The following FAM135B variants were observed in gnomAD, a reference collection of about 807,000 sequenced individuals.
FAM135B encodes the protein protein FAM135B.
Under a neutral mutation model 127.7 loss-of-function variants are expected in FAM135B, and 43 were observed. That is an observed-to-expected ratio of 0.34 (90% confidence interval 0.26 to 0.43). FAM135B has a LOEUF of 0.43. Among genes scored for constraint, FAM135B ranks in the 20% least tolerant of loss-of-function variants. The pLI, the probability that FAM135B is intolerant of heterozygous loss-of-function variation, is 1.00. For synonymous variants in FAM135B, 670 were observed against 665.1 expected (o/e 1.01, Z -0.11); for missense variants, 1,558 against 1,725.6 (o/e 0.90, Z 1.72).
intron 13 of FAM135B, among the ~76,000 whole-genome samples, chr8:138,149,869 G>A (rs552709863): frequency 7.2e-5 from 11 of 152,048 alleles, no homozygotes; most frequent in East Asian, 1.9e-4. Flanking sequence ...CTGTCTCTCC[G>A]TTAGACTGCA....
chr8:138,310,382 T>G (rs997735235), intron 3 of FAM135B, among the ~76,000 whole-genome samples: 1 of 152,164 alleles, frequency 6.6e-6, no homozygotes, highest in African/African-American at 2.4e-5. Flanking sequence ...AGGATCTGAG[T>G]TGTCCTTGGC....
At chr8:138,403,749 C>T (rs1020094339) in intron 1 of FAM135B, among the ~76,000 whole-genome samples, 4 of 151,986 alleles carry the variant, frequency 2.6e-5, no homozygotes, top group Non-Finnish European at 5.9e-5. Context: ...ATTCCCCTCC[C>T]CCAAAGACCT....
At chr8:138,494,671 A>G (rs1815319364) in intron 1 of FAM135B, among the ~76,000 whole-genome samples, 1 of 152,130 alleles carries the variant, frequency 6.6e-6, no homozygotes, top group Non-Finnish European at 1.5e-5. Context: ...AATAAAATCA[A>G]CCTGTCAGCA....
At chr8:138,421,978 A>T (rs1834536662) in intron 1 of FAM135B, among the ~76,000 whole-genome samples, 1 of 152,124 alleles carries the variant, frequency 6.6e-6, no homozygotes, top group South Asian at 2.1e-4. Context: ...ACTCAGAAAT[A>T]AAGCCACACA....
At chr8:138,312,528 C>T (rs1337385103) in intron 2 of FAM135B, among the ~76,000 whole-genome samples, 1 of 152,078 alleles carries the variant, frequency 6.6e-6, no homozygotes, top group Non-Finnish European at 1.5e-5. Flanking sequence ...CTAATAGCCA[C>T]CAACAAGAAA....
intron 19 of FAM135B, among the ~76,000 whole-genome samples, chr8:138,133,730 T>C (rs571342240): frequency 2.4e-3 from 366 of 152,258 alleles, no homozygotes; most frequent in African/African-American, 8.3e-3. Context: ...CTGGACACTC[T>C]CTCATGCCAC....
chr8:138,493,454 T>C (rs1208996724), intron 1 of FAM135B, among the ~76,000 whole-genome samples: 1 of 152,204 alleles, frequency 6.6e-6, no homozygotes, highest in Non-Finnish European at 1.5e-5. Context: ...CCTCTATTAT[T>C]GGCAATTACA....
At chr8:138,441,917 G>A (rs898242499) in intron 1 of FAM135B, 3 of 151,938 alleles carry the variant, frequency 2.0e-5, no homozygotes, top group African/African-American at 7.3e-5. Context: ...GAGCAAAAGA[G>A]AGAGAAATTT....
intron 2 of FAM135B, among the ~76,000 whole-genome samples, chr8:138,359,630 G>A (rs1830291972): frequency 6.6e-6 from 1 of 152,170 alleles, no homozygotes. Flanking sequence ...GAATGAAAAG[G>A]ATCTCAACAT....
At chr8:138,479,501 C>T (rs1814684358) in intron 1 of FAM135B, among the ~76,000 whole-genome samples, 1 of 152,192 alleles carries the variant, frequency 6.6e-6, no homozygotes, top group Non-Finnish European at 1.5e-5. Flanking sequence ...AAAGTTGCTA[C>T]TTTCATCTTT....
chr8:138,359,874 C>T (rs897221238), intron 2 of FAM135B, among the ~76,000 whole-genome samples: 32 of 152,174 alleles, frequency 2.1e-4, no homozygotes, highest in African/African-American at 7.2e-4. Context: ...TTCAACTCAA[C>T]CATTTCCACT....
At chr8:138,395,404 G>A (rs1001901902) in intron 1 of FAM135B, among the ~76,000 whole-genome samples, 10 of 152,032 alleles carry the variant, frequency 6.6e-5, no homozygotes, top group Non-Finnish European at 1.0e-4. Context: ...GAGCCAGAGA[G>A]CTACAGAACC....
intron 2 of FAM135B, among the ~76,000 whole-genome samples, chr8:138,361,873 T>C (rs1285293730): frequency 6.6e-6 from 1 of 152,184 alleles, no homozygotes; most frequent in East Asian, 1.9e-4. Context: ...GCCTAGAGAC[T>C]GCATTCCTCC....
At chr8:138,490,642 G>T (rs774803652) in intron 1 of FAM135B, among the ~76,000 whole-genome samples, 2 of 152,122 alleles carry the variant, frequency 1.3e-5, no homozygotes, top group African/African-American at 2.4e-5. Context: ...TATGCAAAGA[G>T]TTCATCCCAC....
At chr8:138,285,438 C>T (rs375811165) in intron 3 of FAM135B, among the ~76,000 whole-genome samples, 8 of 152,234 alleles carry the variant, frequency 5.3e-5, no homozygotes, top group East Asian at 1.9e-4. Context: ...TGAGCCACTA[C>T]GCCTGGCCTT....
chr8:138,275,027 A>G (rs1823710208), intron 3 of FAM135B, among the ~76,000 whole-genome samples: 1 of 152,204 alleles, frequency 6.6e-6, no homozygotes, highest in Non-Finnish European at 1.5e-5. Context: ...AAAGACAGGC[A>G]TAGGAAATCA....
At chr8:138,215,933 C>A (rs1253634607) in intron 7 of FAM135B, among the ~76,000 whole-genome samples, 3 of 152,184 alleles carry the variant, frequency 2.0e-5, no homozygotes, top group Admixed American at 1.3e-4. Context: ...GAACAGGATT[C>A]TCTGTGCTAC....
intron 4 of FAM135B, among the ~76,000 whole-genome samples, chr8:138,257,994 C>G (rs901497739): frequency 6.6e-6 from 1 of 152,150 alleles, no homozygotes; most frequent in Non-Finnish European, 1.5e-5. Context: ...TAATTGCTGT[C>G]CCGTCTACCA....
Position 138,152,100 on chromosome 8 carries a change from T to A in FAM135B, c.2375A>T (p.Asp792Val), listed in dbSNP as rs773525907. 6.2e-7 allele frequency: 1 copy of A among 1,613,914 alleles called. No individual in the cohort carries two copies. The highest frequency in any genetic ancestry group is 8.5e-7 in the Non-Finnish European group (1 of 1,180,022). The change falls in exon 13 of 20, where the codon GAT (aspartate) becomes GTT (valine). Residue 792 changes from aspartate to valine, a missense_variant. By Grantham distance (152) the Asp-to-Val change is radical. Around this residue, in one of 5 missense-constraint regions of FAM135B, gnomAD observed 923 missense variants for 865.3 expected, o/e 1.07. Transcript: ENST00000395297. Reference sequence around the variant, plus strand: ...ATCTGAAGGTTCAGCAAAACCTCCATCTTGCTGCTTGGTGTCCGCATCTTC... The same window carrying A: ...ATCTGAAGGTTCAGCAAAACCTCCAACTTGCTGCTTGGTGTCCGCATCTTC... Reference protein sequence around the residue: ...AAEDADTKQQDGGFAEPSDMH... With the variant: ...AAEDADTKQQVGGFAEPSDMH...
Sources: allele counts gnomAD v4.1 joint callset (sites outside exome capture counted in the v4.1 genomes callset), GRCh38; gene constraint gnomAD v4.1.1; regional missense constraint gnomAD v4.1.1; transcripts MANE v1.5; gene names NCBI Gene and HGNC (gene_info 2026-07-23, HGNC 2026-07-21).